Variants in TSHR observed in about 807,000 individuals in gnomAD.
TSHR encodes the protein thyroid stimulating hormone receptor.
TSHR carries 51 observed loss-of-function variants against 64.1 expected under a neutral mutation model. The observed-to-expected ratio is 0.80, with a 90% CI of 0.64 to 1.01. The LOEUF (loss-of-function observed/expected upper bound fraction) is 1.01. Among genes scored for constraint, TSHR ranks in the 50% least tolerant of loss-of-function variants. The pLI is 0.00. For synonymous variants in TSHR, 361 were observed against 361.9 expected (o/e 1.00, Z 0.03); for missense variants, 877 against 942.8 (o/e 0.93, Z 0.91).
At chr14:81,050,680 C>A (rs1052919849) in intron 1 of TSHR, 1 of 152,098 alleles carries the variant, frequency 6.6e-6, no homozygotes, top group Non-Finnish European at 1.5e-5. Context: ...TGCACTTTTT[C>A]TGTTAAAAAC....
At chr14:81,069,746 C>T (rs905463430) in intron 3 of TSHR, among the ~76,000 whole-genome samples, 1 of 152,068 alleles carries the variant, frequency 6.6e-6, no homozygotes, top group African/African-American at 2.4e-5. Context: ...TCAGCCCTTG[C>T]AAAGACTAAA....
intron 1 of TSHR, chr14:81,013,773 GA>G (rs1415701284): frequency 2.0e-5 from 3 of 152,186 alleles, no homozygotes; most frequent in Non-Finnish European, 2.9e-5. Flanking sequence ...GTGGCCCAAG[GA>G]GGGATATTTA....
chr14:81,013,057 G>C lies in TSHR; in HGVS notation c.171-49091G>C, dbSNP rs1171785160. On this transcript the variant is annotated intron_variant, in intron 1 of 9. Transcript: ENST00000298171. ...ATGGTAGTGCCTAGGTTTTCTTCTA[G>C]GGTTTTTATGGTTTTAGGTCTAACG... 3 of 152,110 alleles carry C rather than the reference G, an allele frequency of 2.0e-5. No homozygotes were observed. The East Asian group carries it at 5.8e-4, about 29-fold the overall frequency. The allele number at this position is 152,110 out of a possible 1,614,324, so 9.4% of individuals were successfully genotyped here.
intron 1 of TSHR, among the ~76,000 whole-genome samples, chr14:81,022,248 C>A (rs1331036674): frequency 1.3e-5 from 2 of 152,042 alleles, no homozygotes; most frequent in Admixed American, 1.3e-4. Context: ...CCAGCCTGGG[C>A]AACAGAGCGA....
At chr14:81,091,278 A>G in intron 5 of TSHR, 135 bp downstream of exon 5, 1 of 812,856 alleles carries the variant, frequency 1.2e-6, no homozygotes, top group Non-Finnish European at 2.1e-6. Flanking sequence ...GTGTGACTAC[A>G]CTGGCATGAA....
At chr14:81,002,781 C>CTTTTTTTTTTTTTTTTTTTTTTTTTTT (rs1174635270) in intron 1 of TSHR, among the ~76,000 whole-genome samples, 6 of 44,324 alleles carry the variant, frequency 1.4e-4, no homozygotes, top group Non-Finnish European at 2.0e-4. Flanking sequence ...CCTAATGCCT[C>CTTTTTTTTTTTTTTTTTTTTTTTTTTT]TTTTTTTTTT....
At chr14:80,995,859 G>T (rs1253205323) in intron 1 of TSHR, among the ~76,000 whole-genome samples, 2 of 151,326 alleles carry the variant, frequency 1.3e-5, no homozygotes, top group African/African-American at 2.4e-5. Flanking sequence ...AAGAATAAAG[G>T]GTAGCAAACA....
intron 1 of TSHR, among the ~76,000 whole-genome samples, chr14:81,002,803 T>A (rs1594939693): frequency 8.0e-5 from 4 of 50,090 alleles, no homozygotes; most frequent in Non-Finnish European, 1.2e-4. Flanking sequence ...TTTTTTTTTT[T>A]TTTTATCTTT....
At chr14:81,119,429 T>C (rs1206263778) in intron 8 of TSHR, among the ~76,000 whole-genome samples, 1 of 141,900 alleles carries the variant, frequency 7.0e-6, no homozygotes, top group Non-Finnish European at 1.5e-5. Flanking sequence ...CATGAAAAAA[T>C]GTTCATCATC....
At chr14:81,078,805 T>C (rs1887685985) in intron 3 of TSHR, 1 of 152,208 alleles carries the variant, frequency 6.6e-6, no homozygotes, top group African/African-American at 2.4e-5. Flanking sequence ...GCCAGGCATG[T>C]AAGCACACCC....
chr14:81,093,779 T>C (rs541750610), intron 6 of TSHR: 4 of 152,308 alleles, frequency 2.6e-5, no homozygotes, highest in African/African-American at 7.2e-5. Context: ...CATAATTTCT[T>C]CTTACCATGC....
In TSHR at chr14:81,143,460, C is replaced by T. The variant is rs2140111028; in HGVS notation, c.1402C>T (p.Leu468Phe). ...FADFCMGMYL[L>F]LIASVDLYTH... ...GGATTTCTGCATGGGGATGTACCTG[C>T]TCCTCATCGCCTCTGTAGACCTCTA... Residue 468 changes from leucine (L) to phenylalanine (F), a missense_variant, in exon 10 of 10, where the codon CTC (leucine) becomes TTC (phenylalanine). Physicochemically the swap from Leu to Phe is conservative, Grantham distance 22. Coordinates refer to ENST00000298171, the MANE Select transcript of TSHR (RefSeq NM_000369.5). 21 of 1,614,208 alleles carry T rather than the reference C, an allele frequency of 1.3e-5. No homozygotes were observed. Among genetic ancestry groups the T allele is most frequent in the Non-Finnish European group, 1.8e-5 (21 of 1,180,050 alleles).
At chr14:81,139,125 T>C (rs1891575017) in intron 8 of TSHR, among the ~76,000 whole-genome samples, 1 of 152,196 alleles carries the variant, frequency 6.6e-6, no homozygotes, top group South Asian at 2.1e-4. Flanking sequence ...CTAAAGACAC[T>C]GGAGTGGCGG....
At chr14:81,006,236 G>T (rs529495787) in intron 1 of TSHR, among the ~76,000 whole-genome samples, 2 of 152,280 alleles carry the variant, frequency 1.3e-5, no homozygotes, top group South Asian at 4.1e-4. Flanking sequence ...CTGTCACAAA[G>T]CCCCACAGAC....
chr14:80,955,936 A>C, intron 1 of TSHR, 86 bp downstream of exon 1: 1 of 1,523,760 alleles, frequency 6.6e-7, no homozygotes, highest in Non-Finnish European at 9.1e-7. Flanking sequence ...GCAGCTCAAT[A>C]ACAGCCCGAA....
intron 1 of TSHR, among the ~76,000 whole-genome samples, chr14:80,996,547 C>T (rs1264045028): frequency 1.3e-5 from 2 of 152,140 alleles, no homozygotes; most frequent in African/African-American, 4.8e-5. Context: ...TACAGGGAGT[C>T]TAGTTACTAA....
rs141167770 is a variant in TSHR at position 81,018,338 on chromosome 14, A to G, written c.171-43810A>G. On this transcript the variant is annotated intron_variant, in intron 1 of 9. Coordinates refer to ENST00000298171, the MANE Select transcript of TSHR (RefSeq NM_000369.5). Reference sequence around the variant, plus strand: ...CCAATTATTTCATTTGGTATATCTGAGAATTTTAGTTTAAATAATGAAATC... The same window carrying G: ...CCAATTATTTCATTTGGTATATCTGGGAATTTTAGTTTAAATAATGAAATC... 5.1e-4 allele frequency among the ~76,000 whole-genome samples: 78 copies of G among 152,336 alleles called. 1 individual carries two copies. Among genetic ancestry groups the G allele is most frequent in the South Asian group, 8.3e-4 (4 of 4,832 alleles).
rs997965014 is a variant in TSHR at position 81,146,260 on chromosome 14, A to G, written c.*1907A>G. ...CAACAGAATTGTTACTAAAATTTGC[A>G]CTCACAACATGAAATAAATTTTCTT... is the stretch of plus-strand genomic sequence containing the variant. On this transcript the variant is annotated 3_prime_UTR_variant, in exon 10 of 10. Transcript: ENST00000298171. 4 of 203,884 alleles carry G rather than the reference A, an allele frequency of 2.0e-5. No homozygotes were observed. Among genetic ancestry groups the G allele is most frequent in the Non-Finnish European group, 4.0e-5 (4 of 99,484 alleles). 12.6% of individuals were successfully genotyped at this position (203,884 alleles called of 1,614,324 possible). A position where few individuals can be genotyped will look rare whatever the true frequency, so the allele number is the denominator to read the frequency against.
chr14:81,033,212 T>A, intron 1 of TSHR: 1 of 458,134 alleles, frequency 2.2e-6, no homozygotes. Flanking sequence ...TCCACAAAAA[T>A]CTGAAGAGCC....
Sources: gnomAD v4.1 joint callset for allele counts (sites outside exome capture counted in the v4.1 genomes callset) on GRCh38, gnomAD v4.1.1 for gene constraint, MANE v1.5 for transcripts, NCBI Gene and HGNC (gene_info 2026-07-23, HGNC 2026-07-21) for gene names.